INTS14: variants seen among roughly 807,000 people sequenced by gnomAD.
INTS14 encodes the protein integrator complex subunit 14, also known as UPF0464 protein C15orf44.
Under a neutral mutation model 56.9 loss-of-function variants are expected in INTS14, and 27 were observed. The observed-to-expected ratio is 0.47, with a 90% CI of 0.35 to 0.65. The LOEUF is 0.65. Among genes scored for constraint, INTS14 ranks in the 30% least tolerant of loss-of-function variants. The probability of loss-of-function intolerance (pLI) is 0.00; values close to 1 mark genes in which losing one functional copy is unlikely to be tolerated. For synonymous variants in INTS14, 207 were observed against 236.2 expected (o/e 0.88, Z 1.13); for missense variants, 517 against 632.2 (o/e 0.82, Z 1.95).
intron 2 of INTS14, among the ~76,000 whole-genome samples, chr15:65,605,855 G>C (rs2073624869): frequency 6.6e-6 from 1 of 152,050 alleles, no homozygotes; most frequent in Non-Finnish European, 1.5e-5. Context: ...CTGTAAGAAA[G>C]TCAGCATATA....
chr15:65,588,788 T>G (rs2072921461), intron 9 of INTS14, among the ~76,000 whole-genome samples: 1 of 152,202 alleles, frequency 6.6e-6, no homozygotes, highest in Non-Finnish European at 1.5e-5. Flanking sequence ...ATAGTGCTAT[T>G]TTGCATGTTT....
rs770241968 is a variant in INTS14, at chr15:65,611,103, G to T, written c.-68C>A. 2.7e-5 allele frequency: 41 copies of T among 1,535,634 alleles called. No individual in the cohort carries two copies. Among genetic ancestry groups the T allele is most frequent in the Non-Finnish European group, 3.4e-5 (39 of 1,146,628 alleles). Reference sequence around the variant, plus strand: ...CCCTCGGCCTCCCCACTCACCCCGTGCCCATCGCCGGACACAGTCCGTCGG... The same window carrying T: ...CCCTCGGCCTCCCCACTCACCCCGTTCCCATCGCCGGACACAGTCCGTCGG... On this transcript the variant is annotated 5_prime_UTR_variant, in exon 1 of 12. Coordinates refer to ENST00000313182, the MANE Select transcript of INTS14 (RefSeq NM_001394796.1).
chr15:65,603,436 C>G (rs910204365), intron 3 of INTS14, among the ~76,000 whole-genome samples: 4 of 152,118 alleles, frequency 2.6e-5, no homozygotes, highest in African/African-American at 9.7e-5. Context: ...CCTCCTGCTT[C>G]TTTTGAGTCA....
chr15:65,598,761 G>C, intron 5 of INTS14, 111 bp downstream of exon 5: 1 of 936,438 alleles, frequency 1.1e-6, no homozygotes, highest in Non-Finnish European at 1.6e-6. Context: ...TGTACAACTT[G>C]GGGAAAATGA....
intron 9 of INTS14, among the ~76,000 whole-genome samples, chr15:65,588,023 C>A (rs2141263504): frequency 6.6e-6 from 1 of 152,098 alleles, no homozygotes; most frequent in South Asian, 2.1e-4. Context: ...CACAGTGGCT[C>A]GTGCCTGTAA....
At chr15:65,587,825 C>A (rs947463026) in intron 9 of INTS14, among the ~76,000 whole-genome samples, 3 of 151,616 alleles carry the variant, frequency 2.0e-5, no homozygotes, top group South Asian at 2.1e-4. Flanking sequence ...ATAAAAAAAT[C>A]AAAAAAATTA....
intron 9 of INTS14, among the ~76,000 whole-genome samples, chr15:65,590,645 C>T: frequency 6.6e-6 from 1 of 152,330 alleles, no homozygotes; most frequent in East Asian, 1.9e-4. Flanking sequence ...TCTCCTGAGT[C>T]CTCTAGGCAG....
At chr15:65,594,985 T>C (rs573280279) in intron 7 of INTS14, among the ~76,000 whole-genome samples, 1 of 152,294 alleles carries the variant, frequency 6.6e-6, no homozygotes, top group East Asian at 1.9e-4. Context: ...ACTCAGTATG[T>C]GAAAACCTGA....
intron 2 of INTS14, 150 bp downstream of exon 2, chr15:65,607,009 T>C: frequency 1.1e-6 from 1 of 942,122 alleles, no homozygotes; most frequent in Non-Finnish European, 1.5e-6. Flanking sequence ...GACCTACTGG[T>C]TGTGAATTCT....
intron 3 of INTS14, among the ~76,000 whole-genome samples, chr15:65,604,656 G>A (rs1033306283): frequency 6.6e-5 from 10 of 151,320 alleles, no homozygotes; most frequent in South Asian, 2.1e-4. Context: ...CCTGAGCCTC[G>A]GTGGTTGAAG....
intron 9 of INTS14, among the ~76,000 whole-genome samples, chr15:65,585,867 C>T (rs16948859): frequency 0.2 from 30,659 of 152,074 alleles, 4,133 homozygotes; most frequent in East Asian, 0.73. Context: ...TGGACCAACA[C>T]TTCCTTTGTC....
chr15:65,580,892 T>C (rs909650860), intron 11 of INTS14, among the ~76,000 whole-genome samples: 1 of 152,222 alleles, frequency 6.6e-6, no homozygotes, highest in African/African-American at 2.4e-5. Flanking sequence ...TGCAGGGCTA[T>C]CTCCTCTGCA....
At chr15:65,593,715 C>T (rs74591884) in intron 7 of INTS14, 143 bp from the exon 8 acceptor site, 53,334 of 981,524 alleles carry the variant, frequency 0.054, 1,657 homozygotes, top group Middle Eastern at 0.063. Flanking sequence ...AAAACTCATT[C>T]CAGTTTTCCA....
intron 5 of INTS14, 62 bp downstream of exon 5, chr15:65,598,810 T>A (rs2073313704): frequency 7.8e-7 from 1 of 1,287,828 alleles, no homozygotes; most frequent in African/African-American, 1.5e-5. Flanking sequence ...ATAGTCTTCC[T>A]GGATGTCAAA....
At chr15:65,608,390 T>A (rs61100598) in intron 1 of INTS14, among the ~76,000 whole-genome samples, 5,058 of 140,820 alleles carry the variant, frequency 0.036, 370 homozygotes, top group African/African-American at 0.13. Context: ...AAAAAAAAAA[T>A]TTATACAGCT....
In INTS14 at chr15:65,607,207, T is replaced by A. The variant is rs1183884646; in HGVS notation, c.174A>T (p.Ser58=). The change falls in exon 2 of 12, where the codon TCA becomes TCT. Residue 58 remains serine, a synonymous_variant. Coordinates refer to ENST00000313182, the MANE Select transcript of INTS14 (RefSeq NM_001394796.1). ...LEFTALVVFS[S]LWELMVPFTR... is the part of the protein sequence containing the mutation. Reference sequence around the variant, plus strand: ...TGAAGGGGACCATCAACTCCCAAAGTGATGAAAAAACCACAAGTGCTGTAA... The same window carrying A: ...TGAAGGGGACCATCAACTCCCAAAGAGATGAAAAAACCACAAGTGCTGTAA... 1 of 1,614,164 alleles carries A rather than the reference T, an allele frequency of 6.2e-7. No homozygotes were observed. Among genetic ancestry groups the A allele is most frequent in the Non-Finnish European group, 8.5e-7 (1 of 1,180,024 alleles).
chr15:65,583,291 G>A (rs531374142), intron 10 of INTS14, among the ~76,000 whole-genome samples: 4 of 152,212 alleles, frequency 2.6e-5, no homozygotes, highest in East Asian at 3.9e-4. Context: ...CCTAATGTCC[G>A]TCAACTGAGG....
chr15:65,606,342 T>A (rs928223384), intron 2 of INTS14, among the ~76,000 whole-genome samples: 3 of 151,902 alleles, frequency 2.0e-5, no homozygotes, highest in African/African-American at 2.4e-5. Flanking sequence ...ACTCTATTGA[T>A]CTTGTATTTC....
At chr15:65,585,611 T>C (rs1192424300) in intron 9 of INTS14, among the ~76,000 whole-genome samples, 1 of 152,228 alleles carries the variant, frequency 6.6e-6, no homozygotes, top group African/African-American at 2.4e-5. Flanking sequence ...TCTCTGTACC[T>C]GCTTCCTGAG....
Sources: gnomAD v4.1 joint callset for allele counts (sites outside exome capture counted in the v4.1 genomes callset) on GRCh38, gnomAD v4.1.1 for gene constraint, MANE v1.5 for transcripts, NCBI Gene and HGNC (gene_info 2026-07-23, HGNC 2026-07-21) for gene names.